Variants in SIX4 observed in about 807,000 individuals in gnomAD.
SIX4 encodes the protein homeobox protein SIX4.
In SIX4, 23 loss-of-function variants were observed where a neutral mutation model predicts 51.5. The observed-to-expected ratio is 0.45, with a 90% CI of 0.32 to 0.63. The LOEUF is 0.63. Among genes scored for constraint, SIX4 ranks in the 30% least tolerant of loss-of-function variants. The pLI, the probability that SIX4 is intolerant of heterozygous loss-of-function variation, is 0.04. For synonymous variants in SIX4, 413 were observed against 417.3 expected, an observed-to-expected ratio of 0.99 and a Z score of 0.13; for missense variants, 867 against 984.0, an observed-to-expected ratio of 0.88 and a Z score of 1.59.
In SIX4 at chr14:60,722,211, C is replaced by G. The variant is rs1268131503; in HGVS notation, c.863+1001G>C. Reference sequence around the variant, plus strand: ...CTTCTCCTTACTTTGTTTCGTCCAACAAAACACACAGACGCACACACCAAG... The same window carrying G: ...CTTCTCCTTACTTTGTTTCGTCCAAGAAAACACACAGACGCACACACCAAG... On this transcript the variant is annotated intron_variant, in intron 1 of 2. Transcript: ENST00000216513. This position sits in a 1 kb window ranked among gnomAD's most constrained non-coding sequence, Gnocchi z 5.9. Among the ~76,000 whole-genome samples the G allele has an allele frequency of 6.6e-6, 1 of 152,200 alleles. No individual in the cohort carries two copies. The highest frequency in any genetic ancestry group is 2.4e-5 in the African/African-American group (1 of 41,452).
intron 1 of SIX4, among the ~76,000 whole-genome samples, chr14:60,721,741 C>A (rs1243727635): frequency 6.6e-6 from 1 of 152,240 alleles, no homozygotes; most frequent in Non-Finnish European, 1.5e-5. Context: ...GCTCGCGGTG[C>A]CCCCTTGCCA....
At position 60,722,928 on chromosome 14, in the gene SIX4, A is replaced by C; in HGVS notation, c.863+284T>G. 6 of 394,954 alleles carry C rather than the reference A, an allele frequency of 1.5e-5. No individual in the cohort carries two copies. The highest frequency in any genetic ancestry group is 5.1e-5 in the East Asian group (1 of 19,486). 24.5% of individuals were successfully genotyped at this position (394,954 alleles called of 1,614,324 possible). ...GCGGGATGGGGGTGGGAAGCTGGGC[A>C]GCAGTGACCAGCCGAGGTGGGGGCG... On this transcript the variant is annotated intron_variant, in intron 1 of 2. Coordinates refer to ENST00000216513, the MANE Select transcript of SIX4 (RefSeq NM_017420.5). The surrounding 1 kb of genome is among the most constrained non-coding windows in gnomAD (Gnocchi z 5.9).
intron 2 of SIX4, among the ~76,000 whole-genome samples, chr14:60,718,170 G>GA (rs371834353): frequency 2.4e-3 from 362 of 152,144 alleles, no homozygotes; most frequent in African/African-American, 8.4e-3. Context: ...CTGTTTGTGA[G>GA]AAAAAACTGA....
At position 60,714,138 on chromosome 14, in the gene SIX4, G is replaced by A. The variant is rs747356704; in HGVS notation, c.1615C>T (p.Gln539Ter). Residue 539 changes from glutamine to a stop codon, truncating the protein, a stop_gained, in exon 3 of 3, where the codon CAG becomes TAG. Coordinates refer to ENST00000216513, the MANE Select transcript of SIX4 (RefSeq NM_017420.5). LOFTEE classifies it high-confidence loss of function. The stretch of plus-strand genomic sequence containing the variant: ...GAGCTCAAGAAAACCTTTCCTTGCT[G>A]GACTGTGGTAGACTCACTTGTAAAT... ...STFTSESTTV[Q>*]QGKVFLSSLA... 1 of 1,613,256 alleles carries A rather than the reference G, an allele frequency of 6.2e-7. No homozygotes were observed. Among genetic ancestry groups the A allele is most frequent in the Non-Finnish European group, 8.5e-7 (1 of 1,179,930 alleles).
At chr14:60,723,008 A>C in intron 1 of SIX4, 18 of 1,081,766 alleles carry the variant, frequency 1.7e-5, no homozygotes, top group East Asian at 3.3e-5. Flanking sequence ...GGGGGAGGGT[A>C]AGGAGGGAGG....
intron 2 of SIX4, among the ~76,000 whole-genome samples, chr14:60,718,842 T>TC (rs1421215383): frequency 6.6e-6 from 1 of 152,212 alleles, no homozygotes; most frequent in Non-Finnish European, 1.5e-5. Flanking sequence ...TAAAACCATC[T>TC]TATAGGAAGC....
In SIX4 at chr14:60,724,307, C is replaced by A. The variant is rs1342168013; in HGVS notation, c.-233G>T. 2.6e-6 allele frequency: 4 copies of A among 1,513,760 alleles called. No individual in the cohort carries two copies. The highest frequency in any genetic ancestry group is 3.5e-6 in the Non-Finnish European group (4 of 1,132,826). The allele number at this position is 1,513,760 out of a possible 1,614,324, so 93.8% of individuals were successfully genotyped here. On this transcript the variant is annotated 5_prime_UTR_variant, in exon 1 of 3. Transcript: ENST00000216513. Reference sequence around the variant, plus strand: ...AGTGTAAACGGATAGCTGCTTTCTGCCGTTCCCCCAACGTGACTCCTCCGG... The same window carrying A: ...AGTGTAAACGGATAGCTGCTTTCTGACGTTCCCCCAACGTGACTCCTCCGG...
Position 60,720,015 on chromosome 14 carries a change from T to C in SIX4, c.1294A>G (p.Thr432Ala), listed in dbSNP as rs61740042. The part of the protein sequence containing the change: ...KVLQSSANSA[T>A]TTSYSPSVPV... ...ACACTGGGGCTGTAGGACGTGGTGGTTGCTGAGTTAGCAGAACTCTGGAGG... is the reference window on the plus strand; with the variant it reads ...ACACTGGGGCTGTAGGACGTGGTGGCTGCTGAGTTAGCAGAACTCTGGAGG... The change falls in exon 2 of 3, where the codon ACC becomes GCC. Residue 432 changes from threonine to alanine, a missense_variant. By Grantham distance (58) the Thr-to-Ala change is moderately conservative. Coordinates refer to ENST00000216513, the MANE Select transcript of SIX4 (RefSeq NM_017420.5). This position sits in a 1 kb window ranked among gnomAD's most constrained non-coding sequence, Gnocchi z 5.5. 14,231 of 1,614,150 alleles carry C rather than the reference T, an allele frequency of 8.8e-3. 998 individuals carry two copies. In the African/African-American group the frequency reaches 0.16, roughly 18 times the overall value.
chr14:60,723,933 G>T lies in SIX4; in HGVS notation c.142C>A (p.Pro48Thr), dbSNP rs375118853. The T allele has an allele frequency of 4.6e-6, 7 of 1,512,026 alleles. No individual in the cohort carries two copies. In the African/African-American group the frequency reaches 1.0e-4, roughly 22 times the overall value. The allele number at this position is 1,512,026 out of a possible 1,614,324, so 93.7% of individuals were successfully genotyped here. A position where few individuals can be genotyped will look rare whatever the true frequency, so the allele number is the denominator to read the frequency against. ...GAAVGLSPPA[P>T]APFPLEPGDA... ...CCCGGCTCCAGGGGAAAAGGGGCTG[G>T]AGCCGGGGGGCTCAGCCCTACCGCC... Residue 48 changes from proline (P) to threonine (T), a missense_variant, in exon 1 of 3, where the codon CCA becomes ACA. By Grantham distance (38) the Pro-to-Thr change is conservative. Coordinates refer to ENST00000216513, the MANE Select transcript of SIX4 (RefSeq NM_017420.5).
At position 60,721,673 on chromosome 14, in the gene SIX4, G is replaced by A. The variant is rs1444802764; in HGVS notation, c.864-1228C>T. Among the ~76,000 whole-genome samples the A allele has an allele frequency of 5.3e-5, 8 of 152,152 alleles. No individual in the cohort carries two copies. The East Asian group carries it at 1.5e-3, about 29-fold the overall frequency. On this transcript the variant is annotated intron_variant, in intron 1 of 2. Coordinates refer to ENST00000216513, the MANE Select transcript of SIX4 (RefSeq NM_017420.5). Reference sequence around the variant, plus strand: ...GACGAAGAAGCCAGCAGTGGAGCGTGGGGGAGTCCCAGGGAGCGTGCCCGG... The same window carrying A: ...GACGAAGAAGCCAGCAGTGGAGCGTAGGGGAGTCCCAGGGAGCGTGCCCGG...
intron 2 of SIX4, among the ~76,000 whole-genome samples, chr14:60,714,556 T>A (rs1276521445): frequency 1.3e-5 from 2 of 152,198 alleles, no homozygotes; most frequent in African/African-American, 4.8e-5. Context: ...GTGTTCCCCA[T>A]CTTTCATCAG....
chr14:60,720,225 C>T lies in SIX4; in HGVS notation c.1084G>A (p.Val362Ile), dbSNP rs766439878. The T allele has an allele frequency of 1.2e-6, 2 of 1,614,224 alleles. No homozygotes were observed. Among genetic ancestry groups the T allele is most frequent in the East Asian group, 2.2e-5 (1 of 44,892 alleles). Reference protein sequence around the residue: ...GSLVPASTSPVFLNGNSFIQG... With the variant: ...GSLVPASTSPIFLNGNSFIQG... Reference sequence around the variant, plus strand: ...ATAAAAGAATTTCCATTAAGGAAGACAGGTGAAGTACTTGCAGGTACCAAG... The same window carrying T: ...ATAAAAGAATTTCCATTAAGGAAGATAGGTGAAGTACTTGCAGGTACCAAG... Residue 362 changes from valine (V) to isoleucine (I), a missense_variant, in exon 2 of 3, where the codon GTC (valine) becomes ATC (isoleucine). Physicochemically the swap from Val to Ile is conservative, Grantham distance 29. Transcript: ENST00000216513. This position sits in a 1 kb window ranked among gnomAD's most constrained non-coding sequence, Gnocchi z 5.5.
intron 1 of SIX4, among the ~76,000 whole-genome samples, chr14:60,721,496 T>C (rs926818410): frequency 2.0e-5 from 3 of 152,200 alleles, no homozygotes; most frequent in African/African-American, 7.2e-5. Context: ...CAGAAAGCGC[T>C]TTGATTTACA....
At position 60,717,430 on chromosome 14, in the gene SIX4, T is replaced by C. The variant is rs1895938213; in HGVS notation, c.1549+2330A>G. On this transcript the variant is annotated intron_variant, in intron 2 of 2. Coordinates refer to ENST00000216513, the MANE Select transcript of SIX4 (RefSeq NM_017420.5). This position sits in a 1 kb window ranked among gnomAD's most constrained non-coding sequence, Gnocchi z 4.6. ...GCAAAAAAACATCTCAAATAGATGTTTAGTTTATTGTGTGTATGTTTATGA... is the reference window on the plus strand; with the variant it reads ...GCAAAAAAACATCTCAAATAGATGTCTAGTTTATTGTGTGTATGTTTATGA... Among the ~76,000 whole-genome samples the C allele has an allele frequency of 6.6e-6, 1 of 152,220 alleles. No individual in the cohort carries two copies. Among genetic ancestry groups the C allele is most frequent in the Admixed American group, 6.5e-5 (1 of 15,280 alleles).
intron 2 of SIX4, among the ~76,000 whole-genome samples, chr14:60,715,463 T>C (rs891046489): frequency 5.3e-5 from 8 of 152,246 alleles, no homozygotes; most frequent in Non-Finnish European, 1.0e-4. Flanking sequence ...TGCCTTTTGT[T>C]GTGCCAGTTC....
intron 1 of SIX4, among the ~76,000 whole-genome samples, chr14:60,721,737 G>A (rs1896024345): frequency 6.6e-6 from 1 of 152,222 alleles, no homozygotes; most frequent in Non-Finnish European, 1.5e-5. Context: ...GCCTGCTCGC[G>A]GTGCCCCCTT....
chr14:60,719,652 A>C lies in SIX4; in HGVS notation c.1549+108T>G. 8 of 1,076,096 alleles carry C rather than the reference A, an allele frequency of 7.4e-6. No individual in the cohort carries two copies. Among genetic ancestry groups the C allele is most frequent in the South Asian group, 1.6e-5 (1 of 63,410 alleles). 66.7% of individuals were successfully genotyped at this position (1,076,096 alleles called of 1,614,324 possible). On this transcript the variant is annotated intron_variant, in intron 2 of 2. Coordinates refer to ENST00000216513, the MANE Select transcript of SIX4 (RefSeq NM_017420.5). The surrounding 1 kb of genome is among the most constrained non-coding windows in gnomAD (Gnocchi z 4.9). ...CTACTCTACAGCTTCGGCAGCTAAT[A>C]AGGTACCTGAACAGAAACATCAATC...
In SIX4 at chr14:60,712,113, C is replaced by A. The variant is rs539835389; in HGVS notation, c.*1294G>T. ...CAAAACCTTTAGAACTAAGTTTCAA[C>A]AGGACAGAATTTTGCTCAATAGAAT... On this transcript the variant is annotated 3_prime_UTR_variant, in exon 3 of 3. Coordinates refer to ENST00000216513, the MANE Select transcript of SIX4 (RefSeq NM_017420.5). The A allele has an allele frequency of 1.2e-4, 18 of 152,722 alleles. No homozygotes were observed. In the South Asian group the frequency reaches 3.1e-3, roughly 26 times the overall value. 9.5% of individuals were successfully genotyped at this position (152,722 alleles called of 1,614,324 possible).
intron 2 of SIX4, among the ~76,000 whole-genome samples, chr14:60,718,728 G>T (rs1489426311): frequency 5.9e-5 from 9 of 152,190 alleles, no homozygotes; most frequent in Non-Finnish European, 2.9e-5. Context: ...TGTACAGAAT[G>T]AAATTTAGAA....
Sources: allele counts gnomAD v4.1 joint callset (sites outside exome capture counted in the v4.1 genomes callset), GRCh38; gene constraint gnomAD v4.1.1; non-coding constraint Gnocchi (gnomAD v3.1); transcripts MANE v1.5; gene names NCBI Gene and HGNC (gene_info 2026-07-23, HGNC 2026-07-21).